The following RMND5B variants were observed in gnomAD, a reference collection of about 807,000 sequenced individuals.
RMND5B encodes required for meiotic nuclear division 5 homolog B, also known as E3 ubiquitin-protein transferase RMND5B.
A neutral mutation model predicts 50.4 loss-of-function variants in RMND5B; 42 were observed. The observed-to-expected ratio is 0.83, with a 90% CI of 0.65 to 1.08. The LOEUF (loss-of-function observed/expected upper bound fraction) is 1.08. Ranked by LOEUF, RMND5B falls within the 50% of genes least tolerant of loss-of-function variation. The pLI, the probability that RMND5B is intolerant of heterozygous loss-of-function variation, is 0.00. For synonymous variants in RMND5B, 220 were observed against 210.0 expected, an observed-to-expected ratio of 1.05 and a Z score of -0.41; for missense variants, 463 against 508.5, an observed-to-expected ratio of 0.91 and a Z score of 0.86.
Position 178,149,882 on chromosome 5 carries a change from C to A in RMND5B, c.*1850C>A. On this transcript the variant is annotated 3_prime_UTR_variant, in exon 11 of 11. Transcript: ENST00000313386. The stretch of plus-strand genomic sequence containing the variant: ...TGCTGTTTGGAAAAAAGCTGTACAA[C>A]CTGTATGCCAGGAAGTCACCAACTG... The A allele has an allele frequency of 6.2e-7, 1 of 1,607,018 alleles. No individual in the cohort carries two copies.
Position 178,137,403 on chromosome 5 carries a change from A to T in RMND5B, c.-12-705A>T, listed in dbSNP as rs1758673117. ...GGCCATAATAACTCTATGAAAATAC[A>T]CGGGCCGGGCATGGTGGCTTATGCC... On this transcript the variant is annotated intron_variant, in intron 2 of 10. Transcript: ENST00000313386. The surrounding 1 kb of genome is among the most constrained non-coding windows in gnomAD (Gnocchi z 4.4). Among the ~76,000 whole-genome samples, 1 of 152,164 alleles carries T rather than the reference A, an allele frequency of 6.6e-6. No individual in the cohort carries two copies. The highest frequency in any genetic ancestry group is 6.5e-5 in the Admixed American group (1 of 15,274).
chr5:178,140,263 T>A (rs1758848910), intron 3 of RMND5B, among the ~76,000 whole-genome samples: 1 of 152,098 alleles, frequency 6.6e-6, no homozygotes, highest in Non-Finnish European at 1.5e-5. Flanking sequence ...AGGCTTGACC[T>A]CCTGGGCTCA....
At position 178,149,463 on chromosome 5, in the gene RMND5B, T is replaced by C. The variant is rs1378827974; in HGVS notation, c.*1431T>C. 63 of 463,094 alleles carry C rather than the reference T, an allele frequency of 1.4e-4. 1 individual carries two copies. Among genetic ancestry groups the C allele is most frequent in the South Asian group, 1.2e-3 (57 of 48,070 alleles). The allele number at this position is 463,094 out of a possible 1,614,324, so 28.7% of individuals were successfully genotyped here. ...AGAAAACACCCACAGACTCACCACA[T>C]TTTAGTCTTAGCATTTACTTTCCCC... On this transcript the variant is annotated 3_prime_UTR_variant, in exon 11 of 11. Transcript: ENST00000313386.
At chr5:178,143,597 T>C (rs1264879396) in intron 5 of RMND5B, 30 bp from the exon 6 acceptor site, 2 of 1,512,378 alleles carry the variant, frequency 1.3e-6, no homozygotes, top group East Asian at 2.3e-5. Flanking sequence ...CATCTTCCAG[T>C]GGTGGGATCT....
rs200027282 is a variant in RMND5B at position 178,147,626 on chromosome 5, C to T, written c.954C>T (p.Asp318=). ...RQCTGVWNHK[D]ELPIEIELGM... ...GCACTGGGGTCTGGAATCACAAGGACGAGTTACCGGTGAGGCCTGGTCTGG... is the reference window on the plus strand; with the variant it reads ...GCACTGGGGTCTGGAATCACAAGGATGAGTTACCGGTGAGGCCTGGTCTGG... The change falls in exon 9 of 11, where the codon GAC becomes GAT. Residue 318 remains aspartate, a synonymous_variant. Transcript: ENST00000313386. 5.0e-5 allele frequency: 81 copies of T among 1,614,110 alleles called. No homozygotes were observed. The highest frequency in any genetic ancestry group is 1.9e-4 in the African/African-American group (14 of 75,024).
At chr5:178,146,620 C>T in intron 8 of RMND5B, 1 of 246,680 alleles carries the variant, frequency 4.1e-6, no homozygotes, top group Non-Finnish European at 8.0e-6. Context: ...TTCCTCATGA[C>T]CTAATGTCTT....
At chr5:178,143,108 C>A in intron 5 of RMND5B, 116 bp downstream of exon 5, 1 of 1,205,780 alleles carries the variant, frequency 8.3e-7, no homozygotes, top group Non-Finnish European at 1.1e-6. Context: ...AGGAAATCAG[C>A]ACCTCTGCCA....
chr5:178,143,643 T>C lies in RMND5B; in HGVS notation c.443T>C (p.Val148Ala). 1.2e-6 allele frequency: 2 copies of C among 1,613,774 alleles called. No individual in the cohort carries two copies. Among genetic ancestry groups the C allele is most frequent in the Non-Finnish European group, 1.7e-6 (2 of 1,179,684 alleles). ...TCCTTGTAGGAATCAACGCTGAATG[T>C]GGACTTGGATTTCAAGCAGCCTTTC... ...EELCQESTLN[V>A]DLDFKQPFLE... The change falls in exon 6 of 11, where the codon GTG becomes GCG. Residue 148 changes from valine (V) to alanine (A), a missense_variant. By Grantham distance (64) the Val-to-Ala change is moderately conservative (BLOSUM62 0). Transcript: ENST00000313386.
At position 178,146,185 on chromosome 5, in the gene RMND5B, C is replaced by T. The variant is rs748439383; in HGVS notation, c.766C>T (p.Leu256=). ...GGAGAAGTCACCCTACTGCCACCTG[C>T]TGGACAGCAGCCACTGGGCAGAGAT... ...GLEKSPYCHL[L]DSSHWAEICE... The change falls in exon 8 of 11, where the codon CTG becomes TTG. Residue 256 remains leucine (L), a synonymous_variant. Transcript: ENST00000313386. 6.2e-7 allele frequency: 1 copy of T among 1,614,138 alleles called. No individual in the cohort carries two copies. Among genetic ancestry groups the T allele is most frequent in the South Asian group, 1.1e-5 (1 of 91,074 alleles).
At chr5:178,134,901 C>T (rs543982824) in intron 2 of RMND5B, among the ~76,000 whole-genome samples, 21 of 148,994 alleles carry the variant, frequency 1.4e-4, no homozygotes, top group African/African-American at 4.9e-4. Context: ...TGCTTGGACC[C>T]GGGAGGTGGA....
rs1357592308 is a variant in RMND5B, at chr5:178,150,219, A to C, written c.*2187A>C. On this transcript the variant is annotated 3_prime_UTR_variant, in exon 11 of 11. Transcript: ENST00000313386. ...TAACATGGGTGAAGCATCTTAGCTT[A>C]CAAAGCTCTTTCACATACATCTATC... 1 of 221,298 alleles carries C rather than the reference A, an allele frequency of 4.5e-6. No homozygotes were observed. The highest frequency in any genetic ancestry group is 1.2e-4 in the East Asian group (1 of 8,368). The allele number at this position is 221,298 out of a possible 1,614,324, so 13.7% of individuals were successfully genotyped here.
At position 178,138,105 on chromosome 5, in the gene RMND5B, C is replaced by G. The variant is rs113547163; in HGVS notation, c.-12-3C>G. ...GGGGCCTGACCCAGCTGACCCTCCC[C>G]AGGCTGAGGCCACCATGGAGCAGTG... On this transcript the variant is annotated splice_polypyrimidine_tract_variant and splice_region_variant and intron_variant, in intron 2 of 10. Transcript: ENST00000313386. The surrounding 1 kb of genome is among the most constrained non-coding windows in gnomAD (Gnocchi z 5.1). 6.3e-7 allele frequency: 1 copy of G among 1,576,462 alleles called. No homozygotes were observed.
At chr5:178,145,685 A>C (rs1253279266) in intron 7 of RMND5B, among the ~76,000 whole-genome samples, 1 of 152,136 alleles carries the variant, frequency 6.6e-6, no homozygotes, top group African/African-American at 2.4e-5. Flanking sequence ...GATTATAGGC[A>C]TGAGCCACCA....
intron 3 of RMND5B, among the ~76,000 whole-genome samples, chr5:178,140,734 G>C (rs1036344230): frequency 6.6e-6 from 1 of 151,892 alleles, no homozygotes; most frequent in Non-Finnish European, 1.5e-5. Flanking sequence ...GGAGGCTGAG[G>C]CATGAGAATC....
In RMND5B at chr5:178,142,673, C is replaced by T. The variant is rs751074691; in HGVS notation, c.230C>T (p.Ser77Leu). ...AAAGATACGGTGCAGAAACTGGCTT[C>T]GGACCATAAGGACATTCACAGCAGT... ...KIKDTVQKLA[S>L]DHKDIHSSVS... The change falls in exon 4 of 11, where the codon TCG (serine) becomes TTG (leucine). Residue 77 changes from serine (S) to leucine (L), a missense_variant. Coordinates refer to ENST00000313386, the MANE Select transcript of RMND5B (RefSeq NM_022762.5). 44 of 1,614,078 alleles carry T rather than the reference C, an allele frequency of 2.7e-5. No homozygotes were observed. The highest frequency in any genetic ancestry group is 8.9e-5 in the East Asian group (4 of 44,902).
intron 2 of RMND5B, among the ~76,000 whole-genome samples, chr5:178,132,189 C>T: frequency 6.6e-6 from 1 of 152,110 alleles, no homozygotes. Context: ...GCTTGTAACC[C>T]CAGCACTTTG....
At position 178,146,206 on chromosome 5, in the gene RMND5B, G is replaced by C. The variant is rs931100646; in HGVS notation, c.787G>C (p.Glu263Gln). 6.2e-7 allele frequency: 1 copy of C among 1,614,190 alleles called. No homozygotes were observed. Among genetic ancestry groups the C allele is most frequent in the Non-Finnish European group, 8.5e-7 (1 of 1,180,016 alleles). Reference sequence around the variant, plus strand: ...CCTGCTGGACAGCAGCCACTGGGCAGAGATCTGTGAGACCTTTACCCGGGA... The same window carrying C: ...CCTGCTGGACAGCAGCCACTGGGCACAGATCTGTGAGACCTTTACCCGGGA... ...CHLLDSSHWAEICETFTRDAC... is the reference protein window; with the variant it reads ...CHLLDSSHWAQICETFTRDAC... The change falls in exon 8 of 11, where the codon GAG becomes CAG. Residue 263 changes from glutamate (E) to glutamine (Q), a missense_variant. Coordinates refer to ENST00000313386, the MANE Select transcript of RMND5B (RefSeq NM_022762.5).
At position 178,138,233 on chromosome 5, in the gene RMND5B, G is replaced by T. The variant is rs749241436; in HGVS notation, c.114G>T (p.Gln38His). ...AGGAGCTGCTGCACTACGTGGGCCA[G>T]CTGCGGGCTGAGCTGGCCAGCGCAG... ...SLEELLHYVG[Q>H]LRAELASAAL... The change falls in exon 3 of 11, where the codon CAG (glutamine) becomes CAT (histidine). Residue 38 changes from glutamine to histidine, a missense_variant. Gln to His is a conservative substitution (Grantham distance 24). Transcript: ENST00000313386. The surrounding 1 kb of genome is among the most constrained non-coding windows in gnomAD (Gnocchi z 5.1). 2 of 1,613,598 alleles carry T rather than the reference G, an allele frequency of 1.2e-6. No homozygotes were observed. Among genetic ancestry groups the T allele is most frequent in the East Asian group, 2.2e-5 (1 of 44,872 alleles).
intron 5 of RMND5B, 28 bp from the exon 6 acceptor site, chr5:178,143,599 G>A (rs963832463): frequency 3.9e-5 from 60 of 1,533,216 alleles, no homozygotes; most frequent in Non-Finnish European, 4.9e-5. Context: ...TCTTCCAGTG[G>A]TGGGATCTCT....
Sources: gnomAD v4.1 joint callset for allele counts (sites outside exome capture counted in the v4.1 genomes callset) on GRCh38, gnomAD v4.1.1 for gene constraint, Gnocchi (gnomAD v3.1) non-coding constraint, MANE v1.5 for transcripts, NCBI Gene and HGNC (gene_info 2026-07-23, HGNC 2026-07-21) for gene names.